The following PFKFB3 variants were observed in gnomAD, a reference collection of about 807,000 sequenced individuals.
PFKFB3 encodes 6-phosphofructo-2-kinase/fructose-2,6-biphosphatase 3.
In PFKFB3, 33 loss-of-function variants were observed where a neutral mutation model predicts 68.0. That is an observed-to-expected ratio of 0.49 (90% CI 0.37 to 0.65). PFKFB3 has a LOEUF of 0.65. Among genes scored for constraint, PFKFB3 ranks in the 30% least tolerant of loss-of-function variants. The pLI, the probability that PFKFB3 is intolerant of heterozygous loss-of-function variation, is 0.00. For synonymous variants in PFKFB3, 315 were observed against 288.2 expected (o/e 1.09, Z -0.94); for missense variants, 586 against 712.2 (o/e 0.82, Z 2.02).
chr10:6,212,866 T>C (rs1008562890), intron 1 of PFKFB3, among the ~76,000 whole-genome samples: 2 of 152,106 alleles, frequency 1.3e-5, no homozygotes, highest in African/African-American at 4.8e-5. Context: ...CATACCTCTG[T>C]GTGGAGGTTT....
intron 11 of PFKFB3, 64 bp downstream of exon 11, chr10:6,223,048 C>G (rs1845079667): frequency 6.5e-7 from 1 of 1,537,348 alleles, no homozygotes; most frequent in South Asian, 1.2e-5. Flanking sequence ...GGCGGGGGGT[C>G]AGCCGCAGAC....
the PFKFB3 span, among the ~76,000 whole-genome samples, chr10:6,274,272 C>G: frequency 3.9e-5 from 6 of 152,098 alleles, no homozygotes; most frequent in African/African-American, 1.4e-4. Context: ...ACATCCTCAG[C>G]ACACTAATAC....
chr10:6,301,687 C>T, the PFKFB3 span, among the ~76,000 whole-genome samples: 1 of 152,226 alleles, frequency 6.6e-6, no homozygotes, highest in Non-Finnish European at 1.5e-5. Context: ...AAGAGCAGCT[C>T]AGCTCAAAGG....
chr10:6,145,067 G>A (rs936379528), intron 1 of PFKFB3: 39 of 1,275,556 alleles, frequency 3.1e-5, no homozygotes, highest in Non-Finnish European at 3.9e-5. Flanking sequence ...GGACCTGAGC[G>A]GCCGCCTGTG....
chr10:6,206,748 C>T (rs1378239183), intron 1 of PFKFB3, among the ~76,000 whole-genome samples: 3 of 143,734 alleles, frequency 2.1e-5, no homozygotes, highest in Admixed American at 6.9e-5. Flanking sequence ...AAGAGGCGCT[C>T]CTCACTTTCC....
chr10:6,265,265 G>C, the PFKFB3 span, among the ~76,000 whole-genome samples: 1 of 151,886 alleles, frequency 6.6e-6, no homozygotes, highest in East Asian at 1.9e-4. Flanking sequence ...ATTTTTAGTA[G>C]AGGCGGGGTT....
At chr10:6,263,896 G>A in the PFKFB3 span, among the ~76,000 whole-genome samples, 234 of 152,318 alleles carry the variant, frequency 1.5e-3, no homozygotes, top group South Asian at 2.9e-3. Flanking sequence ...ATGTTGGCCA[G>A]GCTGGTCTTG....
At chr10:6,179,210 G>A (rs1011472802) in intron 1 of PFKFB3, among the ~76,000 whole-genome samples, 6 of 152,222 alleles carry the variant, frequency 3.9e-5, no homozygotes, top group East Asian at 1.9e-4. Context: ...TTATTGGTCC[G>A]AGGTCACACA....
chr10:6,177,110 G>C (rs1438256196), intron 1 of PFKFB3, among the ~76,000 whole-genome samples: 1 of 152,184 alleles, frequency 6.6e-6, no homozygotes, highest in African/African-American at 2.4e-5. Flanking sequence ...CAGTGTCCTG[G>C]TTCAGCACTG....
rs1286250563 is a variant in PFKFB3 at position 6,219,613 on chromosome 10, A to G, written c.543A>G (p.Ala181=). The G allele has an allele frequency of 4.3e-6, 7 of 1,613,952 alleles. No homozygotes were observed. The highest frequency in any genetic ancestry group is 5.9e-6 in the Non-Finnish European group (7 of 1,179,846). ...SSPDYKDCNS[A]EAMDDFMKRI... ...CGGATTACAAAGACTGCAACTCGGC[A>G]GAAGCCATGGACGACTTCATGAAGA... Residue 181 remains alanine (A), a synonymous_variant, in exon 7 of 15, where the codon GCA becomes GCG. Transcript: ENST00000379775.
chr10:6,302,368 T>G, the PFKFB3 span, among the ~76,000 whole-genome samples: 7 of 66,562 alleles, frequency 1.1e-4, no homozygotes, highest in African/African-American at 3.8e-4. Flanking sequence ...GCCAGTTTTT[T>G]TTTTTTTTTT....
At chr10:6,286,845 G>A in the PFKFB3 span, among the ~76,000 whole-genome samples, 9 of 151,918 alleles carry the variant, frequency 5.9e-5, no homozygotes, top group Non-Finnish European at 1.3e-4. Context: ...TTTTAATTGA[G>A]CATCTTATAT....
the PFKFB3 span, among the ~76,000 whole-genome samples, chr10:6,283,758 G>C: frequency 6.6e-6 from 1 of 152,138 alleles, no homozygotes; most frequent in South Asian, 2.1e-4. Flanking sequence ...TGAACCAATC[G>C]TGCAACCACG....
At chr10:6,192,366 CTTT>C (rs149846128) in intron 1 of PFKFB3, among the ~76,000 whole-genome samples, 138 of 113,044 alleles carry the variant, frequency 1.2e-3, no homozygotes, top group East Asian at 5.3e-3. Flanking sequence ...TTTCTTTCTT[CTTT>C]TTTTTTTTTT....
At chr10:6,308,711 A>AG in the PFKFB3 span, among the ~76,000 whole-genome samples, 1 of 152,186 alleles carries the variant, frequency 6.6e-6, no homozygotes, top group South Asian at 2.1e-4. Context: ...TTATACTGTG[A>AG]GTTAATCTGT....
chr10:6,242,728 C>T (rs753857630), intron 14 of PFKFB3, among the ~76,000 whole-genome samples: 4 of 152,114 alleles, frequency 2.6e-5, no homozygotes, highest in Non-Finnish European at 4.4e-5. Context: ...GCTAGAATTA[C>T]AGGTGCACAC....
chr10:6,207,068 T>C (rs567340624), intron 1 of PFKFB3, among the ~76,000 whole-genome samples: 1 of 152,060 alleles, frequency 6.6e-6, no homozygotes, highest in East Asian at 1.9e-4. Flanking sequence ...TCTCGGCACT[T>C]TGGGAGGCCA....
upstream of PFKFB3, among the ~76,000 whole-genome samples, chr10:6,199,551 C>A (rs1843264850): frequency 6.6e-6 from 1 of 151,092 alleles, no homozygotes; most frequent in East Asian, 1.9e-4. Context: ...ATGGTGCAAT[C>A]ACAGCTCACT....
the PFKFB3 span, among the ~76,000 whole-genome samples, chr10:6,295,366 C>T: frequency 3.9e-3 from 586 of 152,104 alleles, 4 homozygotes; most frequent in African/African-American, 0.013. Flanking sequence ...GGATTACAGG[C>T]GCCCACCTCC....
Sources: gnomAD v4.1 joint callset for allele counts (sites outside exome capture counted in the v4.1 genomes callset) on GRCh38, gnomAD v4.1.1 for gene constraint, MANE v1.5 for transcripts, NCBI Gene and HGNC (gene_info 2026-07-23, HGNC 2026-07-21) for gene names.